The following IRAK1BP1 variants were observed in gnomAD, a reference collection of about 807,000 sequenced individuals.
The protein encoded by IRAK1BP1 is interleukin 1 receptor associated kinase 1 binding protein 1, also known as interleukin-1 receptor-associated kinase 1-binding protein 1.
A neutral mutation model predicts 28.0 loss-of-function variants in IRAK1BP1; 24 were observed. The observed-to-expected ratio is 0.86, with a 90% CI of 0.62 to 1.20. The LOEUF is 1.20. Among genes scored for constraint, IRAK1BP1 ranks in the 50% most tolerant of loss-of-function variants. The pLI is 0.00. For missense variants in IRAK1BP1, 336 were observed against 316.7 expected (o/e 1.06, Z -0.46); for synonymous variants, 131 against 116.3 (o/e 1.13, Z -0.81).
At chr6:78,903,177 C>T, downstream of IRAK1BP1, 1 of 867,936 alleles carries the variant, frequency 1.2e-6, no homozygotes, top group South Asian at 1.7e-5. Context: ...TTCTTTGCTA[C>T]ATAGGGTTTA....
intron 1 of IRAK1BP1, among the ~76,000 whole-genome samples, chr6:78,872,413 G>A (rs181934981): frequency 6.6e-6 from 1 of 152,220 alleles, no homozygotes; most frequent in Admixed American, 6.5e-5. Context: ...TATTAAAAAT[G>A]GTCACAACAT....
intron 2 of IRAK1BP1, among the ~76,000 whole-genome samples, chr6:78,892,414 A>G (rs891557663): frequency 2.6e-5 from 4 of 152,186 alleles, no homozygotes; most frequent in African/African-American, 7.2e-5. Context: ...CATAATAATT[A>G]TAAACAATAA....
chr6:78,922,267 C>T (rs1772756501), intron 4 of IRAK1BP1, among the ~76,000 whole-genome samples: 1 of 152,158 alleles, frequency 6.6e-6, no homozygotes, highest in African/African-American at 2.4e-5. Flanking sequence ...ACGAGAACTA[C>T]ATGACAAATG....
chr6:78,946,126 G>T (rs1414592982), exon 5 of IRAK1BP1: 2 of 1,614,068 alleles, frequency 1.2e-6, no homozygotes, highest in Non-Finnish European at 1.7e-6. Context: ...TCGAACCACA[G>T]AACTAGATTC....
chr6:78,951,623 T>G, the IRAK1BP1 span, among the ~76,000 whole-genome samples: 1 of 152,346 alleles, frequency 6.6e-6, no homozygotes. Flanking sequence ...GATTACATTT[T>G]TCTTATTTCT....
the IRAK1BP1 span, chr6:78,955,088 G>T: frequency 4.5e-6 from 4 of 886,676 alleles, no homozygotes; most frequent in South Asian, 8.0e-5. Context: ...TATTCACCAA[G>T]TTCTAAAAAA....
chr6:78,900,794 T>C lies in IRAK1BP1; in HGVS notation c.*2460T>C, dbSNP rs1772068317. 1 of 152,194 alleles carries C rather than the reference T, an allele frequency of 6.6e-6. No individual in the cohort carries two copies. The highest frequency in any genetic ancestry group is 1.5e-5 in the Non-Finnish European group (1 of 68,030). 9.4% of individuals were successfully genotyped at this position (152,194 alleles called of 1,614,324 possible). A position where few individuals can be genotyped will look rare whatever the true frequency, so the allele number is the denominator to read the frequency against. On this transcript the variant is annotated 3_prime_UTR_variant, in exon 4 of 4. Transcript: ENST00000369940. Reference sequence around the variant, plus strand: ...TTATAAGGATTAAAGTTGATAAATATATGATCATGAGAACAATTGCTAGCA... The same window carrying C: ...TTATAAGGATTAAAGTTGATAAATACATGATCATGAGAACAATTGCTAGCA...
chr6:78,867,847 C>G lies in IRAK1BP1; in HGVS notation c.271C>G (p.Arg91Gly), dbSNP rs143611653. 5 of 1,609,460 alleles carry G rather than the reference C, an allele frequency of 3.1e-6. No individual in the cohort carries two copies. Among genetic ancestry groups the G allele is most frequent in the South Asian group, 2.2e-5 (2 of 90,424 alleles). Residue 91 changes from arginine to glycine, a missense_variant, in exon 1 of 4, where the codon CGT becomes GGT. Physicochemically the swap from Arg to Gly is moderately radical, Grantham distance 125. Transcript: ENST00000369940. ...AAEAKKSVCR[R>G]LDYITQSLQQ... ...CGAGGCCAAAAAGAGCGTTTGTCGC[C>G]GTCTAGATTACATCACGCAGAGCCT...
At chr6:78,945,203 G>A (rs1773735498) in intron 4 of IRAK1BP1, 2 of 888,926 alleles carry the variant, frequency 2.2e-6, no homozygotes, top group South Asian at 3.0e-5. Flanking sequence ...ACTTTTAAGT[G>A]GGCAACCTGA....
At chr6:78,932,701 G>A (rs1177684932) in intron 4 of IRAK1BP1, among the ~76,000 whole-genome samples, 1 of 152,088 alleles carries the variant, frequency 6.6e-6, no homozygotes, top group African/African-American at 2.4e-5. Context: ...TTACAGGCGT[G>A]AGCCACTGTG....
chr6:78,891,905 T>C lies in IRAK1BP1; in HGVS notation c.382-5924T>C, dbSNP rs1771677989. Among the ~76,000 whole-genome samples, 3 of 152,216 alleles carry C rather than the reference T, an allele frequency of 2.0e-5. 1 individual carries two copies. The South Asian group carries it at 6.2e-4, about 32-fold the overall frequency. ...TGCATGCCTGCTATGTGTTAAGCAT[T>C]TTCCATATATTATTCCATCCAATCT... On this transcript the variant is annotated intron_variant, in intron 2 of 3. Transcript: ENST00000369940.
rs1475744859 is a variant in IRAK1BP1 at position 78,901,085 on chromosome 6, A to C, written c.*2751A>C. On this transcript the variant is annotated 3_prime_UTR_variant, in exon 4 of 4. Coordinates refer to ENST00000369940, the MANE Select transcript of IRAK1BP1 (RefSeq NM_001010844.4). ...TCGTTCTCAACAAAAATTTAATCACATGGGTAGTTTTTTTTTTTTTAGCTA... is the reference window on the plus strand; with the variant it reads ...TCGTTCTCAACAAAAATTTAATCACCTGGGTAGTTTTTTTTTTTTTAGCTA... The C allele has an allele frequency of 6.6e-6, 1 of 151,224 alleles. No individual in the cohort carries two copies. The highest frequency in any genetic ancestry group is 1.9e-4 in the East Asian group (1 of 5,178). The allele number at this position is 151,224 out of a possible 1,614,324, so 9.4% of individuals were successfully genotyped here. A position where few individuals can be genotyped will look rare whatever the true frequency, so the allele number is the denominator to read the frequency against.
In IRAK1BP1 at chr6:78,867,564, A is replaced by G. The variant is rs904385766; in HGVS notation, c.-13A>G. 21 of 1,609,938 alleles carry G rather than the reference A, an allele frequency of 1.3e-5. No individual in the cohort carries two copies. The highest frequency in any genetic ancestry group is 1.8e-5 in the Non-Finnish European group (21 of 1,177,714). ...CGGCCGGTAGTTACTATGGAAACCC[A>G]GCTGCCATCGCTATGTCTCTGCAAA... On this transcript the variant is annotated 5_prime_UTR_variant, in exon 1 of 4. Transcript: ENST00000369940.
intron 4 of IRAK1BP1, among the ~76,000 whole-genome samples, chr6:78,922,890 C>A (rs531297161): frequency 3.3e-5 from 5 of 152,082 alleles, no homozygotes; most frequent in South Asian, 2.1e-4. Context: ...TTTTGTCACC[C>A]CCAGGCCTGC....
chr6:78,870,475 T>C (rs1176800073), intron 1 of IRAK1BP1, among the ~76,000 whole-genome samples: 8 of 151,838 alleles, frequency 5.3e-5, no homozygotes, highest in Non-Finnish European at 1.2e-4. Flanking sequence ...TCCATACACT[T>C]CACATAATGT....
At chr6:78,949,461 CCAGA>C (rs1562117475), downstream of IRAK1BP1, among the ~76,000 whole-genome samples, 1 of 152,050 alleles carries the variant, frequency 6.6e-6, no homozygotes, top group East Asian at 1.9e-4. Flanking sequence ...AGAGCTGGGA[CCAGA>C]CAACTAGATA....
At chr6:78,907,028 A>G (rs1772279458), downstream of IRAK1BP1, among the ~76,000 whole-genome samples, 3 of 152,200 alleles carry the variant, frequency 2.0e-5, no homozygotes, top group Non-Finnish European at 1.5e-5. Flanking sequence ...ATGAAATGCC[A>G]TATTGATACA....
the IRAK1BP1 span, among the ~76,000 whole-genome samples, chr6:78,974,400 AC>A: frequency 6.6e-6 from 1 of 151,952 alleles, no homozygotes. Flanking sequence ...AATTTATAGC[AC>A]TAAATGCCCA....
At chr6:78,903,249 G>C (rs1043613671), downstream of IRAK1BP1, 1 of 488,096 alleles carries the variant, frequency 2.0e-6, no homozygotes, top group East Asian at 3.1e-5. Context: ...TCGGGAGGCC[G>C]AGGCAGGTGG....
Sources: gnomAD v4.1 joint callset for allele counts (sites outside exome capture counted in the v4.1 genomes callset) on GRCh38, gnomAD v4.1.1 for gene constraint, MANE v1.5 for transcripts, NCBI Gene and HGNC (gene_info 2026-07-23, HGNC 2026-07-21) for gene names.